CCZ1: variants seen among roughly 807,000 people sequenced by gnomAD.
CCZ1 encodes the protein CCZ1 vacuolar protein trafficking and biogenesis associated, also known as vacuolar fusion protein CCZ1 homolog.
In CCZ1, 19 loss-of-function variants were observed where a neutral mutation model predicts 57.8. The observed-to-expected ratio is 0.33, with a 90% CI of 0.23 to 0.48. The LOEUF (loss-of-function observed/expected upper bound fraction) is 0.48, where lower values mean the gene tolerates loss of function less well. Ranked by LOEUF, CCZ1 falls within the 20% of genes least tolerant of loss-of-function variation. CCZ1 has a pLI of 0.99. For missense variants in CCZ1, 200 were observed against 492.0 expected (o/e 0.41, Z 5.61); for synonymous variants, 81 against 167.0 (o/e 0.49, Z 3.97).
chr7:5,916,717 C>T (rs1369534614), intron 10 of CCZ1, among the ~76,000 whole-genome samples: 3 of 147,138 alleles, frequency 2.0e-5, no homozygotes, highest in East Asian at 3.9e-4. Flanking sequence ...CACAGAGACA[C>T]AGCTGGCCCC....
chr7:5,908,101 CTGT>C (rs1291657981), intron 7 of CCZ1, among the ~76,000 whole-genome samples: 1 of 141,478 alleles, frequency 7.1e-6, no homozygotes, highest in Non-Finnish European at 1.5e-5. Context: ...GAGCAAGACC[CTGT>C]CTAAGAAAAA....
At chr7:5,924,638 A>G (rs1779323853) in intron 14 of CCZ1, 1 of 133,906 alleles carries the variant, frequency 7.5e-6, no homozygotes, top group South Asian at 2.2e-4. Context: ...ACACAGGCAG[A>G]AGGAGGCAGA....
chr7:5,925,620 T>C lies in CCZ1; in HGVS notation c.1394-12T>C, dbSNP rs1779352312. 6.2e-7 allele frequency: 1 copy of C among 1,610,068 alleles called. No individual in the cohort carries two copies. The highest frequency in any genetic ancestry group is 1.3e-5 in the African/African-American group (1 of 74,660). ...TGCCTCTTCCTTCCTCACTGTTGTG[T>C]CCTTGTTGCAGAAGAGGTCAAGAAA... On this transcript the variant is annotated splice_polypyrimidine_tract_variant and intron_variant, in intron 14 of 14. Transcript: ENST00000325974.
At chr7:5,905,524 C>T (rs142256287) in intron 7 of CCZ1, among the ~76,000 whole-genome samples, 3,538 of 146,258 alleles carry the variant, frequency 0.024, 375 homozygotes, top group African/African-American at 0.088. Context: ...TGGCTCACAC[C>T]TGTAATCTTA....
intron 10 of CCZ1, among the ~76,000 whole-genome samples, chr7:5,914,003 G>A (rs1428553660): frequency 7.1e-6 from 1 of 141,200 alleles, no homozygotes; most frequent in Non-Finnish European, 1.5e-5. Flanking sequence ...TCAGAGTGAA[G>A]CCTCCATCTC....
At position 5,905,379 on chromosome 7, in the gene CCZ1, G is replaced by A. The variant is rs555740279; in HGVS notation, c.698+110G>A. On this transcript the variant is annotated intron_variant, in intron 7 of 14. Transcript: ENST00000325974. ...ACAGGAACTTGCAGCGGGGAGGATG[G>A]GTAGGAAGCATCTTCATAGATATTG... 67 of 619,524 alleles carry A rather than the reference G, an allele frequency of 1.1e-4. 4 individuals carry two copies. In the African/African-American group the frequency reaches 1.3e-3, roughly 12 times the overall value. 38.4% of individuals were successfully genotyped at this position (619,524 alleles called of 1,614,324 possible). A position where few individuals can be genotyped will look rare whatever the true frequency, so the allele number is the denominator to read the frequency against.
intron 8 of CCZ1, chr7:5,910,366 T>G (rs1781941097): frequency 8.2e-6 from 3 of 366,774 alleles, no homozygotes; most frequent in Non-Finnish European, 1.4e-5. Flanking sequence ...TTGTGTGTGT[T>G]TTTGTTTGTT....
intron 10 of CCZ1, among the ~76,000 whole-genome samples, chr7:5,913,872 A>G (rs1779097528): frequency 7.4e-6 from 1 of 135,074 alleles, no homozygotes; most frequent in African/African-American, 2.7e-5. Context: ...GTCTGTTTAA[A>G]GAAAGGAAAC....
intron 4 of CCZ1, chr7:5,901,172 C>G (rs1207724686): frequency 4.8e-5 from 17 of 350,988 alleles, no homozygotes; most frequent in Non-Finnish European, 6.8e-5. Context: ...GTAAGGCTTA[C>G]TGATTCACAA....
At chr7:5,905,723 A>G in intron 7 of CCZ1, among the ~76,000 whole-genome samples, 1 of 115,848 alleles carries the variant, frequency 8.6e-6, no homozygotes, top group Admixed American at 1.1e-4. Context: ...CGGAGGTTGC[A>G]GTGAGCCGAG....
chr7:5,914,703 T>C (rs1175183607), intron 10 of CCZ1, among the ~76,000 whole-genome samples: 9 of 148,350 alleles, frequency 6.1e-5, no homozygotes, highest in Admixed American at 1.3e-4. Flanking sequence ...GGGGAAACCC[T>C]GTCTCTACTA....
intron 6 of CCZ1, among the ~76,000 whole-genome samples, chr7:5,904,515 ACT>A (rs1781758052): frequency 7.0e-6 from 1 of 142,624 alleles, no homozygotes; most frequent in South Asian, 2.4e-4. Context: ...ACATAGCAAG[ACT>A]CTGTCTATAC....
chr7:5,901,966 G>C, intron 5 of CCZ1: 1 of 439,752 alleles, frequency 2.3e-6, no homozygotes. Flanking sequence ...TGTGCTCAAG[G>C]AATGTACAGA....
chr7:5,905,709 G>T (rs1208131301), intron 7 of CCZ1, among the ~76,000 whole-genome samples: 2 of 134,776 alleles, frequency 1.5e-5, no homozygotes, highest in Admixed American at 7.4e-5. Context: ...TTGAACCCGG[G>T]AGGCGGAGGT....
intron 5 of CCZ1, chr7:5,902,419 G>C (rs1180429370): frequency 1.8e-6 from 1 of 550,404 alleles, no homozygotes; most frequent in Non-Finnish European, 2.6e-6. Context: ...AGGGTAAGTT[G>C]AAATTTTTGA....
chr7:5,903,504 A>G (rs1351275210), intron 6 of CCZ1, among the ~76,000 whole-genome samples: 1 of 120,146 alleles, frequency 8.3e-6, no homozygotes, highest in Non-Finnish European at 1.7e-5. Flanking sequence ...TTTCTAAAAC[A>G]GCTTTCATAG....
At chr7:5,906,614 C>G (rs1214353813) in intron 7 of CCZ1, among the ~76,000 whole-genome samples, 1 of 148,710 alleles carries the variant, frequency 6.7e-6, no homozygotes, top group Non-Finnish European at 1.5e-5. Flanking sequence ...TGAGCCACTG[C>G]ACCTGGCCTA....
rs1779386137 is a variant in CCZ1 at position 5,926,194 on chromosome 7, T to TG, written c.*508dup. The TG allele has an allele frequency of 8.0e-6, 4 of 501,366 alleles. No individual in the cohort carries two copies. In the African/African-American group the frequency reaches 8.4e-5, roughly 11 times the overall value. 31.1% of individuals were successfully genotyped at this position (501,366 alleles called of 1,614,324 possible). A position where few individuals can be genotyped will look rare whatever the true frequency, so the allele number is the denominator to read the frequency against. ...TTGCAGAGATGGGGGGGTCTCACTA[T>TG]GTTGCCCAGGCTGGTCTCGAACTCC... On this transcript the variant is annotated 3_prime_UTR_variant, in exon 15 of 15. Coordinates refer to ENST00000325974, the MANE Select transcript of CCZ1 (RefSeq NM_015622.6).
chr7:5,907,522 C>A (rs1583184633), intron 7 of CCZ1, among the ~76,000 whole-genome samples: 1 of 147,340 alleles, frequency 6.8e-6, no homozygotes, highest in Non-Finnish European at 1.5e-5. Flanking sequence ...GGTGCAAACT[C>A]CTGAGAGTGA....
Sources: allele counts gnomAD v4.1 joint callset (sites outside exome capture counted in the v4.1 genomes callset), GRCh38; gene constraint gnomAD v4.1.1; transcripts MANE v1.5; gene names NCBI Gene and HGNC (gene_info 2026-07-23, HGNC 2026-07-21).